Variants in MEGF10 observed in about 807,000 individuals in gnomAD.
The protein encoded by MEGF10 is multiple epidermal growth factor-like domains protein 10.
MEGF10 carries 86 observed loss-of-function variants against 147.5 expected under a neutral mutation model. That is an observed-to-expected ratio of 0.58 (90% CI 0.49 to 0.70). The LOEUF is 0.70. MEGF10 is among the 30% of genes least tolerant of loss of function. The pLI, the probability that MEGF10 is intolerant of heterozygous loss-of-function variation, is 0.00. For missense variants in MEGF10, 1,329 were observed against 1,487.3 expected, an observed-to-expected ratio of 0.89 and a Z score of 1.75; for synonymous variants, 478 against 525.5, an observed-to-expected ratio of 0.91 and a Z score of 1.24.
intron 2 of MEGF10, among the ~76,000 whole-genome samples, chr5:127,337,951 A>G (rs1761529267): frequency 6.6e-6 from 1 of 152,096 alleles, no homozygotes; most frequent in Non-Finnish European, 1.5e-5. Context: ...CAATATTCCA[A>G]AGAATGAAAT....
chr5:127,406,008 G>A (rs1764307128), intron 8 of MEGF10, among the ~76,000 whole-genome samples: 1 of 152,034 alleles, frequency 6.6e-6, no homozygotes, highest in Admixed American at 6.6e-5. Context: ...GATAATTTCT[G>A]GATCCATTTA....
chr5:127,381,269 T>C (rs1158529955), intron 5 of MEGF10, among the ~76,000 whole-genome samples: 1 of 152,218 alleles, frequency 6.6e-6, no homozygotes, highest in Admixed American at 6.5e-5. Flanking sequence ...AATCACATAG[T>C]GATGAGTCGA....
chr5:127,354,714 T>G (rs1268912595), intron 4 of MEGF10, among the ~76,000 whole-genome samples: 3 of 152,206 alleles, frequency 2.0e-5, no homozygotes, highest in Non-Finnish European at 2.9e-5. Context: ...CCTCTGTCAT[T>G]TAAGTGAGAA....
chr5:127,313,968 A>G (rs1335248293), intron 1 of MEGF10, among the ~76,000 whole-genome samples: 2 of 152,066 alleles, frequency 1.3e-5, no homozygotes, highest in African/African-American at 2.4e-5. Flanking sequence ...TGGTGGGGAG[A>G]TATTTCTGTA....
At chr5:127,286,856 A>G (rs1309059262), upstream of MEGF10, among the ~76,000 whole-genome samples, 1 of 151,872 alleles carries the variant, frequency 6.6e-6, no homozygotes, top group Admixed American at 6.6e-5. Context: ...AAGAAAATAA[A>G]AATGCAGACC....
At chr5:127,450,199 ATAT>A (rs59549984) in intron 22 of MEGF10, among the ~76,000 whole-genome samples, 10,469 of 152,182 alleles carry the variant, frequency 0.069, 1,197 homozygotes, top group African/African-American at 0.24. Context: ...AAAACGGCAA[ATAT>A]TGTTGTTGTA....
chr5:127,389,644 A>G (rs983594856), intron 5 of MEGF10, among the ~76,000 whole-genome samples: 1 of 152,226 alleles, frequency 6.6e-6, no homozygotes, highest in Non-Finnish European at 1.5e-5. Context: ...GCTGGAGGCC[A>G]TTATCCTTAG....
chr5:127,330,637 G>A (rs1761218020), intron 1 of MEGF10, among the ~76,000 whole-genome samples: 1 of 152,150 alleles, frequency 6.6e-6, no homozygotes, highest in Non-Finnish European at 1.5e-5. Flanking sequence ...ACCCCTGTGA[G>A]ATGTTTGGTT....
At chr5:127,302,835 G>A (rs1031409044) in intron 1 of MEGF10, among the ~76,000 whole-genome samples, 3 of 152,280 alleles carry the variant, frequency 2.0e-5, no homozygotes, top group East Asian at 1.9e-4. Flanking sequence ...AAGTGAATCC[G>A]TCTCAGAAGG....
chr5:127,290,762 T>A (rs1481799102), upstream of MEGF10: 1 of 151,764 alleles, frequency 6.6e-6, no homozygotes, highest in African/African-American at 2.4e-5. Flanking sequence ...CCGGCTCGGG[T>A]TACCCGCCCC....
At chr5:127,403,840 C>T (rs1464209264) in intron 8 of MEGF10, among the ~76,000 whole-genome samples, 1 of 152,186 alleles carries the variant, frequency 6.6e-6, no homozygotes, top group Non-Finnish European at 1.5e-5. Context: ...ATCCTTTCGT[C>T]TGTTGATAGA....
intron 8 of MEGF10, among the ~76,000 whole-genome samples, chr5:127,408,193 G>T (rs1764406394): frequency 6.6e-6 from 1 of 152,082 alleles, no homozygotes; most frequent in Non-Finnish European, 1.5e-5. Flanking sequence ...TAATTTCCCA[G>T]GCTTCCGATC....
At chr5:127,353,290 C>T (rs1169853649) in intron 4 of MEGF10, among the ~76,000 whole-genome samples, 3 of 152,200 alleles carry the variant, frequency 2.0e-5, no homozygotes, top group African/African-American at 7.2e-5. Flanking sequence ...GGGACCTAAC[C>T]ATTATTTACA....
rs139002719 is a variant in MEGF10, at chr5:127,391,087, T to TGCGCGCGC, written c.413-5436_413-5429dup. Among the ~76,000 whole-genome samples, 48 of 131,882 alleles carry TGCGCGCGC rather than the reference T, an allele frequency of 3.6e-4. 1 individual carries two copies. Among genetic ancestry groups the TGCGCGCGC allele is most frequent in the East Asian group, 9.1e-4 (4 of 4,378 alleles). 86.5% of individuals were successfully genotyped at this position (131,882 alleles called of 152,430 possible). ...GTGTATATATACATACATACACACA[T>TGCGCGCGC]GCGCGCGCGCGCGCGCACACACACA... On this transcript the variant is annotated intron_variant, in intron 5 of 24. Coordinates refer to ENST00000503335, the MANE Select transcript of MEGF10 (RefSeq NM_001256545.2).
At chr5:127,402,456 C>A (rs941302152) in intron 7 of MEGF10, 90 bp from the exon 8 acceptor site, 1 of 1,436,948 alleles carries the variant, frequency 7.0e-7, no homozygotes, top group Non-Finnish European at 9.4e-7. Flanking sequence ...CCCATCCCTC[C>A]TTTCTATTTC....
chr5:127,286,746 G>A (rs1467688381), upstream of MEGF10, among the ~76,000 whole-genome samples: 2 of 151,838 alleles, frequency 1.3e-5, no homozygotes, highest in African/African-American at 4.8e-5. Flanking sequence ...AATCAACAAA[G>A]TAGAAAATGT....
chr5:127,300,862 A>G (rs1759734312), intron 1 of MEGF10, among the ~76,000 whole-genome samples: 2 of 152,204 alleles, frequency 1.3e-5, no homozygotes, highest in Non-Finnish European at 2.9e-5. Flanking sequence ...TCCAATGCCT[A>G]AGAGATCAAT....
chr5:127,266,947 T>A, the MEGF10 span, among the ~76,000 whole-genome samples: 2 of 152,204 alleles, frequency 1.3e-5, no homozygotes, highest in African/African-American at 4.8e-5. Context: ...GGCCAGAACT[T>A]CCAACACTAT....
At chr5:127,266,017 T>C in the MEGF10 span, among the ~76,000 whole-genome samples, 2 of 152,144 alleles carry the variant, frequency 1.3e-5, no homozygotes, top group South Asian at 2.1e-4. Context: ...CTGAATGGCA[T>C]TGCCTAGGTT....
Sources: allele counts gnomAD v4.1 joint callset (sites outside exome capture counted in the v4.1 genomes callset), GRCh38; gene constraint gnomAD v4.1.1; transcripts MANE v1.5; gene names NCBI Gene and HGNC (gene_info 2026-07-23, HGNC 2026-07-21).